The following CD101 variants were observed in gnomAD, a reference collection of about 807,000 sequenced individuals.
The protein encoded by CD101 is CD101 molecule, also known as immunoglobulin superfamily member 2.
Under a neutral mutation model 98.2 loss-of-function variants are expected in CD101, and 76 were observed. That is an observed-to-expected ratio of 0.77 (90% CI 0.64 to 0.94). The LOEUF (loss-of-function observed/expected upper bound fraction) is 0.94, where lower values mean the gene tolerates loss of function less well. Among genes scored for constraint, CD101 ranks in the 40% least tolerant of loss-of-function variants. The probability of loss-of-function intolerance (pLI) is 0.00; values close to 1 mark genes in which losing one functional copy is unlikely to be tolerated. For missense variants in CD101, 1,145 were observed against 1,218.8 expected, an observed-to-expected ratio of 0.94 and a Z score of 0.90; for synonymous variants, 471 against 472.7, an observed-to-expected ratio of 1.00 and a Z score of 0.05.
In CD101 at chr1:117,008,456, C is replaced by A. The variant is rs1652671594; in HGVS notation, c.44-1394C>A. ...CTCCAGCCTGGGTGACAGAGCAAGACCGTGTCAAAAAAAAAAAAATTATTA... is the reference window on the plus strand; with the variant it reads ...CTCCAGCCTGGGTGACAGAGCAAGAACGTGTCAAAAAAAAAAAAATTATTA... On this transcript the variant is annotated intron_variant, in intron 1 of 9. Transcript: ENST00000682167. Among the ~76,000 whole-genome samples the A allele has an allele frequency of 2.6e-5, 4 of 151,636 alleles. No individual in the cohort carries two copies. The South Asian group carries it at 8.3e-4, about 32-fold the overall frequency.
rs1653870205 is a variant in CD101, at chr1:117,025,658, A to G, written c.2578A>G (p.Lys860Glu). The change falls in exon 8 of 10, where the codon AAA becomes GAA. Residue 860 changes from lysine (K) to glutamate (E), a missense_variant. Transcript: ENST00000682167. ...WYWNRENSGS[K>E]LLVHLQHDGL... The stretch of plus-strand genomic sequence containing the variant: ...CTGGAACAGAGAAAACTCTGGAAGT[A>G]AATTGCTGGTGCACTTGCAACATGA... 6.8e-6 allele frequency: 11 copies of G among 1,614,194 alleles called. No individual in the cohort carries two copies. The highest frequency in any genetic ancestry group is 9.3e-6 in the Non-Finnish European group (11 of 1,180,032).
chr1:117,013,397 G>T lies in CD101; in HGVS notation c.842-9G>T. The T allele has an allele frequency of 6.3e-7, 1 of 1,597,642 alleles. No homozygotes were observed. The highest frequency in any genetic ancestry group is 1.1e-5 in the South Asian group (1 of 88,940). ...CTCTCTAAATACCTGCCTTGCTTTT[G>T]TTTCCCAGTGAAAGATTTTCAAGTC... On this transcript the variant is annotated splice_polypyrimidine_tract_variant and intron_variant, in intron 3 of 9. Transcript: ENST00000682167.
At chr1:117,002,396 C>G (rs559091115) in intron 1 of CD101, among the ~76,000 whole-genome samples, 1 of 152,178 alleles carries the variant, frequency 6.6e-6, no homozygotes, top group Non-Finnish European at 1.5e-5. Context: ...CAGGAAGATT[C>G]ACTTGGCTCT....
At chr1:117,020,403 G>A (rs1165914749) in intron 6 of CD101, among the ~76,000 whole-genome samples, 2 of 152,144 alleles carry the variant, frequency 1.3e-5, no homozygotes, top group African/African-American at 4.8e-5. Context: ...GATTAGCCAG[G>A]CATGGTGGCG....
intron 1 of CD101, among the ~76,000 whole-genome samples, chr1:117,007,483 G>T (rs533295615): frequency 1.6e-4 from 24 of 152,062 alleles, no homozygotes; most frequent in Non-Finnish European, 2.9e-4. Context: ...GAATAGCTAG[G>T]ATTACAGGCA....
At position 117,017,265 on chromosome 1, in the gene CD101, T is replaced by G; in HGVS notation, c.1404T>G (p.Ile468Met). The G allele has an allele frequency of 1.2e-6, 2 of 1,614,184 alleles. No individual in the cohort carries two copies. The highest frequency in any genetic ancestry group is 1.7e-6 in the Non-Finnish European group (2 of 1,180,020). The change falls in exon 5 of 10, where the codon ATT (isoleucine) becomes ATG (methionine). Residue 468 changes from isoleucine (I) to methionine (M), a missense_variant. Transcript: ENST00000682167. ...TGGCTGGCATGGGGCAGGATGGCAT[T>G]GTGCAGCTGGGTGCCTCCTATGGGG... ...EFVAGMGQDG[I>M]VQLGASYGVP...
intron 4 of CD101, among the ~76,000 whole-genome samples, chr1:117,014,363 G>A (rs911744749): frequency 1.3e-5 from 2 of 152,114 alleles, no homozygotes; most frequent in Non-Finnish European, 2.9e-5. Context: ...TGTTGACCTG[G>A]TGTGGGAAAT....
intron 1 of CD101, among the ~76,000 whole-genome samples, chr1:117,008,157 A>G (rs1349884513): frequency 6.6e-6 from 1 of 152,222 alleles, no homozygotes; most frequent in Non-Finnish European, 1.5e-5. Flanking sequence ...TTATGAATAA[A>G]TTAGTGTATT....
rs1654620065 is a variant in CD101, at chr1:117,033,834, C to T, written c.2825-26C>T. Reference sequence around the variant, plus strand: ...GTACAAATAAGTTGGAGATGAATTACTCTCTTGTTTCTCCCTTCGTTGCAG... The same window carrying T: ...GTACAAATAAGTTGGAGATGAATTATTCTCTTGTTTCTCCCTTCGTTGCAG... On this transcript the variant is annotated intron_variant, in intron 8 of 9. Transcript: ENST00000682167. The surrounding 1 kb of genome is among the most constrained non-coding windows in gnomAD (Gnocchi z 4.8). The T allele has an allele frequency of 1.2e-6, 2 of 1,613,364 alleles. No individual in the cohort carries two copies. Among genetic ancestry groups the T allele is most frequent in the Non-Finnish European group, 1.7e-6 (2 of 1,179,606 alleles).
Position 117,013,703 on chromosome 1 carries a change from C to T in CD101, c.1139C>T (p.Ala380Val), listed in dbSNP as rs763175243. 6.2e-7 allele frequency: 1 copy of T among 1,614,084 alleles called. No individual in the cohort carries two copies. The highest frequency in any genetic ancestry group is 1.1e-5 in the South Asian group (1 of 91,076). The change falls in exon 4 of 10, where the codon GCA (alanine) becomes GTA (valine). Residue 380 changes from alanine (A) to valine (V), a missense_variant. Coordinates refer to ENST00000682167, the MANE Select transcript of CD101 (RefSeq NM_001256106.3). ...EDEGAYRCVV[A>V]EVMKTRTGSW... ...GAAGGCGCCTACAGATGTGTGGTAGCAGAGGTCATGAAAACACGCACAGGT... is the reference window on the plus strand; with the variant it reads ...GAAGGCGCCTACAGATGTGTGGTAGTAGAGGTCATGAAAACACGCACAGGT...
intron 6 of CD101, among the ~76,000 whole-genome samples, chr1:117,020,896 A>G (rs1036022497): frequency 6.6e-6 from 1 of 152,244 alleles, no homozygotes; most frequent in African/African-American, 2.4e-5. Flanking sequence ...GCAAGATGCT[A>G]GAAGAAGATT....
intron 4 of CD101, among the ~76,000 whole-genome samples, chr1:117,014,799 G>A (rs1225365780): frequency 5.9e-5 from 9 of 152,178 alleles, no homozygotes; most frequent in Admixed American, 5.9e-4. Context: ...TCTCCAATAT[G>A]CCATTTACTA....
intron 5 of CD101, among the ~76,000 whole-genome samples, chr1:117,017,818 A>G (rs184643213): frequency 5.3e-5 from 8 of 152,270 alleles, no homozygotes; most frequent in Admixed American, 4.6e-4. Flanking sequence ...GGGTTCTGAT[A>G]CTGAACCCAC....
In CD101 at chr1:117,011,856, A is replaced by G. The variant is rs760470424; in HGVS notation, c.731A>G (p.Gln244Arg). The change falls in exon 3 of 10, where the codon CAG becomes CGG. Residue 244 changes from glutamine to arginine, a missense_variant. By Grantham distance (43) the Gln-to-Arg change is conservative (BLOSUM62 1). Coordinates refer to ENST00000682167, the MANE Select transcript of CD101 (RefSeq NM_001256106.3). ...ATAGAGAGGCTCCAGTCCTCAGATCAGGGTCAGCTGTTCTGTGAGGCAACG... is the reference window on the plus strand; with the variant it reads ...ATAGAGAGGCTCCAGTCCTCAGATCGGGGTCAGCTGTTCTGTGAGGCAACG... The part of the protein sequence containing the change: ...LSIERLQSSD[Q>R]GQLFCEATEW... 2.0e-5 allele frequency: 32 copies of G among 1,613,974 alleles called. No homozygotes were observed. Among genetic ancestry groups the G allele is most frequent in the Non-Finnish European group, 2.6e-5 (31 of 1,179,990 alleles).
rs1653556932 is a variant in CD101 at position 117,021,110 on chromosome 1, GA to G, written c.2018-461del. Among the ~76,000 whole-genome samples, 1 of 152,188 alleles carries G rather than the reference GA, an allele frequency of 6.6e-6. No homozygotes were observed. The highest frequency in any genetic ancestry group is 1.5e-5 in the Non-Finnish European group (1 of 68,022). On this transcript the variant is annotated intron_variant, in intron 6 of 9. Coordinates refer to ENST00000682167, the MANE Select transcript of CD101 (RefSeq NM_001256106.3). This position sits in a 1 kb window ranked among gnomAD's most constrained non-coding sequence, Gnocchi z 4.7. ...CTAGAGTTTGGAAATTGTGAATCCA[GA>G]AGTACTCTGCATAGTAAACACACAA...
chr1:117,022,038 C>G lies in CD101; in HGVS notation c.2428+55C>G. The G allele has an allele frequency of 6.5e-7, 1 of 1,535,134 alleles. No homozygotes were observed. Among genetic ancestry groups the G allele is most frequent in the Non-Finnish European group, 8.8e-7 (1 of 1,140,148 alleles). On this transcript the variant is annotated intron_variant, in intron 7 of 9. Coordinates refer to ENST00000682167, the MANE Select transcript of CD101 (RefSeq NM_001256106.3). The surrounding 1 kb of genome is among the most constrained non-coding windows in gnomAD (Gnocchi z 4.8). Reference sequence around the variant, plus strand: ...TCTGTCTGTCTGACGGCTGTTTTCTCTTGGGCAGCTGTTCTATGGAGTGAT... The same window carrying G: ...TCTGTCTGTCTGACGGCTGTTTTCTGTTGGGCAGCTGTTCTATGGAGTGAT...
At chr1:117,013,341 T>A in intron 3 of CD101, 65 bp from the exon 4 acceptor site, 2 of 1,499,030 alleles carry the variant, frequency 1.3e-6, no homozygotes, top group Non-Finnish European at 1.8e-6. Flanking sequence ...GTGTCATCTC[T>A]CTCTGGTACT....
rs759613103 is a variant in CD101 at position 117,009,924 on chromosome 1, A to G, written c.118A>G (p.Ser40Gly). The G allele has an allele frequency of 5.0e-6, 8 of 1,614,004 alleles. No homozygotes were observed. Among genetic ancestry groups the G allele is most frequent in the Non-Finnish European group, 5.9e-6 (7 of 1,180,044 alleles). Residue 40 changes from serine (S) to glycine (G), a missense_variant, in exon 2 of 10, where the codon AGC (serine) becomes GGC (glycine). Transcript: ENST00000682167. ...PLFRAEGYPV[S>G]IGCNVTGHQG... ...GTTTAGAGCTGAAGGTTACCCAGTCAGCATTGGCTGCAATGTAACTGGCCA... is the reference window on the plus strand; with the variant it reads ...GTTTAGAGCTGAAGGTTACCCAGTCGGCATTGGCTGCAATGTAACTGGCCA...
Position 117,018,072 on chromosome 1 carries a change from A to T in CD101, c.1613-84A>T. The stretch of plus-strand genomic sequence containing the variant: ...TGTACAAATGCATGGTCCTAGTCAA[A>T]GAGGTGGCAACTAGAAAAACTTGAA... On this transcript the variant is annotated intron_variant, in intron 5 of 9. Coordinates refer to ENST00000682167, the MANE Select transcript of CD101 (RefSeq NM_001256106.3). This position sits in a 1 kb window ranked among gnomAD's most constrained non-coding sequence, Gnocchi z 4.3. The T allele has an allele frequency of 8.5e-7, 1 of 1,171,212 alleles. No homozygotes were observed. The highest frequency in any genetic ancestry group is 1.2e-6 in the Non-Finnish European group (1 of 844,028). The allele number at this position is 1,171,212 out of a possible 1,614,324, so 72.6% of individuals were successfully genotyped here. A position where few individuals can be genotyped will look rare whatever the true frequency, so the allele number is the denominator to read the frequency against.
Sources: gnomAD v4.1 joint callset for allele counts (sites outside exome capture counted in the v4.1 genomes callset) on GRCh38, gnomAD v4.1.1 for gene constraint, Gnocchi (gnomAD v3.1) non-coding constraint, MANE v1.5 for transcripts, NCBI Gene and HGNC (gene_info 2026-07-23, HGNC 2026-07-21) for gene names.